ERC2: variants seen among roughly 807,000 people sequenced by gnomAD.
ERC2 encodes the protein ELKS/RAB6-interacting/CAST family member 2, also known as ERC protein 2.
Under a neutral mutation model 114.8 loss-of-function variants are expected in ERC2, and 42 were observed. That is an observed-to-expected ratio of 0.37 (90% confidence interval 0.29 to 0.47). The LOEUF (loss-of-function observed/expected upper bound fraction) is 0.47. Among genes scored for constraint, ERC2 ranks in the 20% least tolerant of loss-of-function variants. The pLI is 0.99. For missense variants in ERC2, 939 were observed against 1,150.7 expected (o/e 0.82, Z 2.66); for synonymous variants, 454 against 425.5 (o/e 1.07, Z -0.82).
At chr3:55,755,298 C>G (rs62249340) in intron 14 of ERC2, among the ~76,000 whole-genome samples, 157 of 152,046 alleles carry the variant, frequency 1.0e-3, no homozygotes, top group Middle Eastern at 3.4e-3. Flanking sequence ...GAGGAATGAC[C>G]GAGAGGCACA....
intron 14 of ERC2, among the ~76,000 whole-genome samples, chr3:55,770,213 C>T (rs1445189879): frequency 6.6e-6 from 1 of 152,104 alleles, no homozygotes; most frequent in African/African-American, 2.4e-5. Flanking sequence ...AAGCACAGAC[C>T]CCAGTGACCC....
intron 15 of ERC2, among the ~76,000 whole-genome samples, chr3:55,731,399 G>T (rs2065244886): frequency 6.6e-6 from 1 of 152,228 alleles, no homozygotes; most frequent in Admixed American, 6.5e-5. Context: ...AGTAATAGTA[G>T]TTGCAATAGC....
intron 5 of ERC2, among the ~76,000 whole-genome samples, chr3:56,144,108 G>T (rs892238452): frequency 7.2e-5 from 11 of 152,174 alleles, no homozygotes; most frequent in Non-Finnish European, 1.3e-4. Flanking sequence ...ATATTCACTG[G>T]GAAAGAATCA....
chr3:56,064,062 C>G (rs1174103822), intron 7 of ERC2, among the ~76,000 whole-genome samples: 2 of 152,180 alleles, frequency 1.3e-5, no homozygotes, highest in African/African-American at 2.4e-5. Context: ...CGTGAACAAG[C>G]CTGTAGCTAA....
chr3:55,884,570 T>C (rs1252371891), intron 14 of ERC2, among the ~76,000 whole-genome samples: 4 of 151,934 alleles, frequency 2.6e-5, no homozygotes, highest in Admixed American at 1.3e-4. Flanking sequence ...CCAAGACAAA[T>C]GGAAAGACAT....
chr3:55,707,816 T>C (rs1206555226), intron 15 of ERC2, among the ~76,000 whole-genome samples: 1 of 152,190 alleles, frequency 6.6e-6, no homozygotes, highest in Admixed American at 6.5e-5. Context: ...CAGAAACCCA[T>C]GAGAACCAAG....
intron 13 of ERC2, among the ~76,000 whole-genome samples, chr3:55,943,457 C>T (rs1015193352): frequency 2.7e-5 from 4 of 148,592 alleles, no homozygotes; most frequent in African/African-American, 1.0e-4. Flanking sequence ...CCTGAGGAAG[C>T]GTTTTTTTTT....
chr3:56,206,220 C>G (rs977512298), intron 3 of ERC2, among the ~76,000 whole-genome samples: 1 of 151,190 alleles, frequency 6.6e-6, no homozygotes, highest in Non-Finnish European at 1.5e-5. Flanking sequence ...CACACACACA[C>G]TCACATACAC....
chr3:55,996,063 G>T (rs1010620976), intron 10 of ERC2, among the ~76,000 whole-genome samples: 1 of 152,192 alleles, frequency 6.6e-6, no homozygotes, highest in Non-Finnish European at 1.5e-5. Context: ...AGCGAAAAAA[G>T]CAGATTTGAA....
intron 14 of ERC2, among the ~76,000 whole-genome samples, chr3:55,775,095 C>T (rs1234331419): frequency 6.6e-6 from 1 of 152,210 alleles, no homozygotes; most frequent in Non-Finnish European, 1.5e-5. Flanking sequence ...AATGTCCCCA[C>T]ACATGTCCTC....
chr3:55,510,403 G>A lies in ERC2; in HGVS notation c.*913C>T, dbSNP rs1287795098. 1 of 152,432 alleles carries A rather than the reference G, an allele frequency of 6.6e-6. No homozygotes were observed. Among genetic ancestry groups the A allele is most frequent in the African/African-American group, 2.4e-5 (1 of 41,440 alleles). 9.4% of individuals were successfully genotyped at this position (152,432 alleles called of 1,614,324 possible). ...ACCTGCATGCACCGGGATGGTAAGA[G>A]TCTGAGGCTTGGTGGCGTCCCCACC... On this transcript the variant is annotated 3_prime_UTR_variant, in exon 18 of 18. Coordinates refer to ENST00000288221, the MANE Select transcript of ERC2 (RefSeq NM_015576.3).
At chr3:55,545,537 T>C (rs2054683588) in intron 17 of ERC2, among the ~76,000 whole-genome samples, 1 of 152,138 alleles carries the variant, frequency 6.6e-6, no homozygotes, top group Non-Finnish European at 1.5e-5. Flanking sequence ...GTTGAACATC[T>C]CAGTAACTGA....
intron 17 of ERC2, among the ~76,000 whole-genome samples, chr3:55,682,504 A>T (rs1446212240): frequency 2.0e-5 from 3 of 152,226 alleles, no homozygotes; most frequent in Non-Finnish European, 4.4e-5. Context: ...AAACTGACCC[A>T]TTAGTGGGAC....
chr3:56,234,317 G>A (rs1206811889), intron 3 of ERC2, among the ~76,000 whole-genome samples: 2 of 152,154 alleles, frequency 1.3e-5, no homozygotes, highest in Non-Finnish European at 2.9e-5. Flanking sequence ...CCAAAAAATG[G>A]AATGTAGTAA....
At chr3:56,290,907 G>A (rs1172221491) in intron 3 of ERC2, among the ~76,000 whole-genome samples, 5 of 152,132 alleles carry the variant, frequency 3.3e-5, no homozygotes, top group Non-Finnish European at 7.3e-5. Flanking sequence ...AGCAACTGTG[G>A]CCTGTAAAGA....
chr3:56,035,877 C>T (rs1316546946), intron 7 of ERC2, among the ~76,000 whole-genome samples: 1 of 152,118 alleles, frequency 6.6e-6, no homozygotes, highest in East Asian at 1.9e-4. Flanking sequence ...CCAGCATTAC[C>T]CTGATACCAA....
chr3:56,330,186 A>AC (rs1295028040), intron 2 of ERC2, among the ~76,000 whole-genome samples: 2 of 152,018 alleles, frequency 1.3e-5, no homozygotes, highest in Non-Finnish European at 2.9e-5. Context: ...GGCACATGCC[A>AC]CCACAGCTGG....
intron 17 of ERC2, among the ~76,000 whole-genome samples, chr3:55,594,509 T>G (rs958162992): frequency 6.6e-6 from 1 of 151,660 alleles, no homozygotes; most frequent in Non-Finnish European, 1.5e-5. Flanking sequence ...TGAGATGGAG[T>G]CTTGATCTGT....
chr3:55,894,884 A>C (rs1403774822), intron 13 of ERC2, among the ~76,000 whole-genome samples: 1 of 152,022 alleles, frequency 6.6e-6, no homozygotes, highest in South Asian at 2.1e-4. Flanking sequence ...AGAAGTATCA[A>C]CTCTTTCTAA....
Sources: gnomAD v4.1 joint callset for allele counts (sites outside exome capture counted in the v4.1 genomes callset) on GRCh38, gnomAD v4.1.1 for gene constraint, MANE v1.5 for transcripts, NCBI Gene and HGNC (gene_info 2026-07-23, HGNC 2026-07-21) for gene names.